AGAP1: variants seen among roughly 807,000 people sequenced by gnomAD.
The protein encoded by AGAP1 is arf-GAP with GTPase, ANK repeat and PH domain-containing protein 1.
A neutral mutation model predicts 105.3 loss-of-function variants in AGAP1; 29 were observed. That is an observed-to-expected ratio of 0.28 (90% CI 0.21 to 0.38). The LOEUF is 0.38. Among genes scored for constraint, AGAP1 ranks in the 10% least tolerant of loss-of-function variants. The probability of loss-of-function intolerance (pLI) is 1.00; values close to 1 mark genes in which losing one functional copy is unlikely to be tolerated. For missense variants in AGAP1, 998 were observed against 1,165.1 expected, an observed-to-expected ratio of 0.86 and a Z score of 2.09; for synonymous variants, 509 against 485.9, an observed-to-expected ratio of 1.05 and a Z score of -0.63.
At chr2:235,658,106 G>C (rs150333509) in intron 1 of AGAP1, among the ~76,000 whole-genome samples, 1 of 152,296 alleles carries the variant, frequency 6.6e-6, no homozygotes, top group African/African-American at 2.4e-5. Context: ...TACAGTGATG[G>C]CTTCAAATGT....
At chr2:235,999,600 AGGT>A (rs796324441) in intron 13 of AGAP1, among the ~76,000 whole-genome samples, 21 of 110,440 alleles carry the variant, frequency 1.9e-4, no homozygotes, top group African/African-American at 7.5e-4. Flanking sequence ...TGATGGTGAG[AGGT>A]GGTGGTGGTG....
intron 1 of AGAP1, among the ~76,000 whole-genome samples, chr2:235,575,724 A>G (rs1411674120): frequency 6.6e-6 from 1 of 152,216 alleles, no homozygotes; most frequent in Non-Finnish European, 1.5e-5. Context: ...GCCTAAAATT[A>G]TAACACTTTT....
chr2:235,727,290 C>A (rs1254200919), intron 3 of AGAP1, among the ~76,000 whole-genome samples: 2 of 151,938 alleles, frequency 1.3e-5, no homozygotes, highest in Non-Finnish European at 2.9e-5. Context: ...CAAGTCCCAA[C>A]CCTGTGTCTT....
rs372822759 is a variant in AGAP1 at position 236,094,155 on chromosome 2, C to T, written c.2115-26037C>T. Among the ~76,000 whole-genome samples, 49 of 152,168 alleles carry T rather than the reference C, an allele frequency of 3.2e-4. No individual in the cohort carries two copies. In the South Asian group the frequency reaches 4.8e-3, roughly 15 times the overall value. On this transcript the variant is annotated intron_variant, in intron 16 of 17. Coordinates refer to ENST00000304032, the MANE Select transcript of AGAP1 (RefSeq NM_001037131.3). ...GAACAACTTCAGTCTTTTGACAAGA[C>T]TGATCAAAAGCTGTGATGGAGCCAG...
intron 13 of AGAP1, among the ~76,000 whole-genome samples, chr2:236,013,168 A>C (rs1457847174): frequency 1.3e-5 from 2 of 152,232 alleles, no homozygotes; most frequent in Non-Finnish European, 2.9e-5. Flanking sequence ...TAAAATTTGC[A>C]TCCTAAATAT....
At chr2:235,593,598 A>G (rs1411583316) in intron 1 of AGAP1, among the ~76,000 whole-genome samples, 1 of 152,162 alleles carries the variant, frequency 6.6e-6, no homozygotes, top group East Asian at 1.9e-4. Flanking sequence ...ATATACTTAA[A>G]TATATCTACT....
chr2:235,791,477 T>C (rs562846051), intron 6 of AGAP1, among the ~76,000 whole-genome samples: 1 of 152,286 alleles, frequency 6.6e-6, no homozygotes, highest in South Asian at 2.1e-4. Context: ...CCTGATATGC[T>C]GATATGCCCT....
chr2:235,740,272 C>T lies in AGAP1; in HGVS notation c.311-691C>T, dbSNP rs534533284. Among the ~76,000 whole-genome samples, 35 of 151,992 alleles carry T rather than the reference C, an allele frequency of 2.3e-4. No individual in the cohort carries two copies. The highest frequency in any genetic ancestry group is 7.7e-4 in the African/African-American group (32 of 41,444). ...AAGGTAGCACCAGGCCCCTCATGCC[C>T]GCACCCCCTCCTCATGGTCACCTCT... On this transcript the variant is annotated intron_variant, in intron 3 of 17. Transcript: ENST00000304032. This position sits in a 1 kb window ranked among gnomAD's most constrained non-coding sequence, Gnocchi z 5.7.
chr2:235,508,428 G>A (rs1941929319), intron 1 of AGAP1, among the ~76,000 whole-genome samples: 1 of 152,248 alleles, frequency 6.6e-6, no homozygotes, highest in African/African-American at 2.4e-5. Context: ...CTCTCCTGCA[G>A]ATCTCGGTTT....
intron 12 of AGAP1, among the ~76,000 whole-genome samples, chr2:235,939,937 C>A (rs1192680935): frequency 1.3e-5 from 2 of 152,158 alleles, no homozygotes; most frequent in Non-Finnish European, 1.5e-5. Flanking sequence ...TACCCAAATT[C>A]ACATCCCCAG....
At chr2:236,072,035 A>T (rs558047326) in intron 16 of AGAP1, among the ~76,000 whole-genome samples, 1 of 152,254 alleles carries the variant, frequency 6.6e-6, no homozygotes, top group African/African-American at 2.4e-5. Context: ...ACTTTTTTTA[A>T]AAAAACTCAC....
At position 235,586,225 on chromosome 2, in the gene AGAP1, G is replaced by A. The variant is rs1162948635; in HGVS notation, c.163+91376G>A. 6.6e-6 allele frequency among the ~76,000 whole-genome samples: 1 copy of A among 152,180 alleles called. No homozygotes were observed. The highest frequency in any genetic ancestry group is 1.5e-5 in the Non-Finnish European group (1 of 68,038). On this transcript the variant is annotated intron_variant, in intron 1 of 17. Transcript: ENST00000304032. This position sits in a 1 kb window ranked among gnomAD's most constrained non-coding sequence, Gnocchi z 4.2. ...CACAAAGAGGGTGAGCCCTCAGCCC[G>A]CCATACGGGCATGTTATCCAGAAGA... is the stretch of plus-strand genomic sequence containing the variant.
intron 13 of AGAP1, among the ~76,000 whole-genome samples, chr2:236,030,316 G>A (rs56230563): frequency 0.23 from 35,551 of 152,142 alleles, 4,894 homozygotes; most frequent in African/African-American, 0.38. Flanking sequence ...TGCCCAGCCT[G>A]TATCAGTAAT....
In AGAP1 at chr2:235,838,196, CA is replaced by C. The variant is rs368958961; in HGVS notation, c.1050+30872del. On this transcript the variant is annotated intron_variant, in intron 9 of 17. Transcript: ENST00000304032. ...GTGAGACTGTGTCCCCCCACCCCCC[CA>C]AAAAAAGAAAAGAGGGAATGCCAGG... Among the ~76,000 whole-genome samples, 104 of 151,688 alleles carry C rather than the reference CA, an allele frequency of 6.9e-4. No individual in the cohort carries two copies. The East Asian group carries it at 0.016, about 23-fold the overall frequency.
intron 10 of AGAP1, among the ~76,000 whole-genome samples, chr2:235,896,318 G>A (rs1164116280): frequency 2.0e-5 from 3 of 152,194 alleles, no homozygotes; most frequent in Non-Finnish European, 4.4e-5. Flanking sequence ...TCCGTCATAT[G>A]TACACACCAC....
intron 3 of AGAP1, among the ~76,000 whole-genome samples, chr2:235,730,477 TAAA>T (rs11388954): frequency 5.7e-5 from 7 of 123,868 alleles, no homozygotes; most frequent in South Asian, 2.9e-4. Flanking sequence ...GTTTACCTTT[TAAA>T]AAAAAAAAAA....
At chr2:235,807,951 A>ATTC (rs1957925181) in intron 9 of AGAP1, among the ~76,000 whole-genome samples, 1 of 152,176 alleles carries the variant, frequency 6.6e-6, no homozygotes, top group African/African-American at 2.4e-5. Flanking sequence ...CAGGACTTGA[A>ATTC]TTCAACCATT....
chr2:235,718,306 CTT>C (rs1951220484), intron 3 of AGAP1: 1 of 929,240 alleles, frequency 1.1e-6, no homozygotes, highest in Non-Finnish European at 1.3e-6. Flanking sequence ...CTCCGTGTAA[CTT>C]TGTTAAATCC....
chr2:235,843,128 C>G lies in AGAP1; in HGVS notation c.1050+35797C>G, dbSNP rs1961057914. 1.3e-5 allele frequency among the ~76,000 whole-genome samples: 2 copies of G among 152,172 alleles called. No individual in the cohort carries two copies. The highest frequency in any genetic ancestry group is 4.1e-4 in the South Asian group (2 of 4,832). On this transcript the variant is annotated intron_variant, in intron 9 of 17. Coordinates refer to ENST00000304032, the MANE Select transcript of AGAP1 (RefSeq NM_001037131.3). The surrounding 1 kb of genome is among the most constrained non-coding windows in gnomAD (Gnocchi z 5.9). Reference sequence around the variant, plus strand: ...CTTGTCGGTTTTTCACCCTGCAGCCCTTTGAGACCAAATCTGCCTGTGAAG... The same window carrying G: ...CTTGTCGGTTTTTCACCCTGCAGCCGTTTGAGACCAAATCTGCCTGTGAAG...
Sources: allele counts gnomAD v4.1 joint callset (sites outside exome capture counted in the v4.1 genomes callset), GRCh38; gene constraint gnomAD v4.1.1; non-coding constraint Gnocchi (gnomAD v3.1); transcripts MANE v1.5; gene names NCBI Gene and HGNC (gene_info 2026-07-23, HGNC 2026-07-21).